Variants in PLA2R1 observed in about 807,000 individuals in gnomAD.
The protein encoded by PLA2R1 is phospholipase A2 receptor 1, also known as secretory phospholipase A2 receptor.
PLA2R1 carries 158 observed loss-of-function variants against 195.9 expected under a neutral mutation model. That is an observed-to-expected ratio of 0.81 (90% CI 0.71 to 0.92). The LOEUF is 0.92. Among genes scored for constraint, PLA2R1 ranks in the 40% least tolerant of loss-of-function variants. The probability of loss-of-function intolerance (pLI) is 0.00; values close to 1 mark genes in which losing one functional copy is unlikely to be tolerated. For missense variants in PLA2R1, 1,626 were observed against 1,764.6 expected (o/e 0.92, Z 1.41); for synonymous variants, 586 against 598.2 (o/e 0.98, Z 0.30).
At chr2:159,946,505 G>C in intron 27 of PLA2R1, 9 of 1,054,338 alleles carry the variant, frequency 8.5e-6, no homozygotes, top group Non-Finnish European at 1.0e-5. Flanking sequence ...TATGGTTTTG[G>C]TATGCAATGA....
intron 5 of PLA2R1, 91 bp from the exon 6 acceptor site, chr2:160,028,452 G>A (rs1264906683): frequency 2.4e-5 from 21 of 874,390 alleles, no homozygotes; most frequent in East Asian, 2.0e-4. Context: ...GGGGGACAGC[G>A]TTTCTATTTG....
chr2:159,943,546 A>G (rs1687209014), intron 28 of PLA2R1, among the ~76,000 whole-genome samples: 1 of 152,172 alleles, frequency 6.6e-6, no homozygotes, highest in Admixed American at 6.5e-5. Flanking sequence ...TGGAAAGAGC[A>G]CTTAGAAAAC....
At chr2:159,978,126 C>G (rs1689700536) in intron 14 of PLA2R1, among the ~76,000 whole-genome samples, 1 of 152,036 alleles carries the variant, frequency 6.6e-6, no homozygotes, top group Non-Finnish European at 1.5e-5. Flanking sequence ...ATTTTGATTA[C>G]TTTGAACATA....
At chr2:159,992,187 G>A (rs1690860855) in intron 11 of PLA2R1, among the ~76,000 whole-genome samples, 1 of 151,570 alleles carries the variant, frequency 6.6e-6, no homozygotes, top group East Asian at 1.9e-4. Context: ...TCTCATTGTG[G>A]TTTTGATTTG....
intron 3 of PLA2R1, among the ~76,000 whole-genome samples, chr2:160,034,258 C>A (rs897940805): frequency 2.0e-5 from 3 of 152,108 alleles, no homozygotes; most frequent in African/African-American, 7.2e-5. Context: ...CTGGTTGCAA[C>A]ACACATTCCA....
At chr2:160,028,430 G>C (rs1459084702) in intron 5 of PLA2R1, 69 bp from the exon 6 acceptor site, 1 of 1,113,060 alleles carries the variant, frequency 9.0e-7, no homozygotes, top group African/African-American at 1.6e-5. Context: ...TTGAAATGTG[G>C]TTTTCAGCAT....
intron 20 of PLA2R1, among the ~76,000 whole-genome samples, chr2:159,964,837 C>T (rs1688682764): frequency 1.3e-5 from 2 of 152,062 alleles, no homozygotes; most frequent in Admixed American, 1.3e-4. Context: ...TTGAGACCAG[C>T]CTGGCATGAT....
At chr2:159,993,749 T>C (rs1016870109) in intron 11 of PLA2R1, among the ~76,000 whole-genome samples, 4 of 151,974 alleles carry the variant, frequency 2.6e-5, no homozygotes, top group African/African-American at 7.2e-5. Flanking sequence ...ATGGGGCAAT[T>C]TGAGCATTAA....
chr2:160,038,079 C>T (rs1408583932), intron 3 of PLA2R1, among the ~76,000 whole-genome samples: 1 of 152,116 alleles, frequency 6.6e-6, no homozygotes, highest in East Asian at 1.9e-4. Context: ...GTCAGGCATG[C>T]ATTGTTGTAG....
At chr2:160,031,383 T>C (rs1239802828) in intron 4 of PLA2R1, among the ~76,000 whole-genome samples, 1 of 152,138 alleles carries the variant, frequency 6.6e-6, no homozygotes. Flanking sequence ...AGATCTATAT[T>C]TACAGATACG....
chr2:159,927,821 G>T (rs1441442909), downstream of PLA2R1, among the ~76,000 whole-genome samples: 1 of 152,126 alleles, frequency 6.6e-6, no homozygotes, highest in African/African-American at 2.4e-5. Flanking sequence ...CAGTCACACT[G>T]CAAGACACCC....
At chr2:159,956,691 C>T in intron 20 of PLA2R1, 64 bp from the exon 21 acceptor site, 1 of 974,994 alleles carries the variant, frequency 1.0e-6, no homozygotes, top group Non-Finnish European at 1.6e-6. Flanking sequence ...TAAAAATTTC[C>T]CAAAGACACT....
At chr2:160,036,845 T>G (rs557894396) in intron 3 of PLA2R1, among the ~76,000 whole-genome samples, 1 of 152,356 alleles carries the variant, frequency 6.6e-6, no homozygotes, top group South Asian at 2.1e-4. Flanking sequence ...TCCACATCTG[T>G]GCTGATCCAC....
intron 9 of PLA2R1, among the ~76,000 whole-genome samples, chr2:160,014,598 T>G (rs1692609061): frequency 1.3e-5 from 2 of 152,258 alleles, no homozygotes; most frequent in African/African-American, 4.8e-5. Context: ...GCTATGCCAA[T>G]TCTTGCCAGC....
chr2:160,016,471 A>AGGGGG, intron 9 of PLA2R1, 143 bp downstream of exon 9: 1 of 556,738 alleles, frequency 1.8e-6, no homozygotes, highest in Non-Finnish European at 3.2e-6. Context: ...AAAGGAAAGA[A>AGGGGG]GGGGGGGGTG....
At chr2:160,019,322 C>T (rs1287916425) in intron 8 of PLA2R1, among the ~76,000 whole-genome samples, 1 of 151,914 alleles carries the variant, frequency 6.6e-6, no homozygotes, top group Non-Finnish European at 1.5e-5. Flanking sequence ...CAGTTCTTCC[C>T]CTCATCTTCA....
At chr2:159,944,868 A>G in intron 28 of PLA2R1, 38 bp downstream of exon 28, 1 of 1,487,622 alleles carries the variant, frequency 6.7e-7, no homozygotes, top group African/African-American at 1.4e-5. Flanking sequence ...TAGTTAAGGT[A>G]GAATCAAAAT....
the PLA2R1 span, among the ~76,000 whole-genome samples, chr2:159,924,740 C>T: frequency 5.6e-5 from 7 of 124,326 alleles, no homozygotes; most frequent in East Asian, 1.7e-3. Flanking sequence ...GGGGGGGGGG[C>T]GGTGCGAACA....
intron 20 of PLA2R1, among the ~76,000 whole-genome samples, chr2:159,965,508 C>T (rs1688729373): frequency 6.6e-6 from 1 of 152,118 alleles, no homozygotes; most frequent in African/African-American, 2.4e-5. Flanking sequence ...GAGTAATATT[C>T]CATTGTGTGG....
Sources: allele counts gnomAD v4.1 joint callset (sites outside exome capture counted in the v4.1 genomes callset), GRCh38; gene constraint gnomAD v4.1.1; transcripts MANE v1.5; gene names NCBI Gene and HGNC (gene_info 2026-07-23, HGNC 2026-07-21).